Variants in MAST4 observed in about 807,000 individuals in gnomAD.
The protein encoded by MAST4 is microtubule-associated serine/threonine-protein kinase 4.
A neutral mutation model predicts 162.7 loss-of-function variants in MAST4; 89 were observed. The ratio of observed to expected loss-of-function variants is 0.55; its 90% CI spans 0.46 to 0.65. MAST4 has a LOEUF of 0.65. Ranked by LOEUF, MAST4 falls within the 30% of genes least tolerant of loss-of-function variation. MAST4 has a pLI of 0.00. For missense variants in MAST4, 3,153 were observed against 3,374.0 expected, an observed-to-expected ratio of 0.93 and a Z score of 1.62; for synonymous variants, 1,479 against 1,361.1, an observed-to-expected ratio of 1.09 and a Z score of -1.91.
At chr5:66,827,324 G>A (rs898966106) in intron 3 of MAST4, among the ~76,000 whole-genome samples, 1 of 152,166 alleles carries the variant, frequency 6.6e-6, no homozygotes, top group Non-Finnish European at 1.5e-5. Flanking sequence ...TCTTCCTTAA[G>A]TGGTATCAAA....
intron 5 of MAST4, among the ~76,000 whole-genome samples, chr5:67,058,017 A>C (rs152629): frequency 1.3e-5 from 2 of 151,736 alleles, no homozygotes; most frequent in East Asian, 3.9e-4. Context: ...AGGCAGGAGG[A>C]TTGCTTGAGC....
At chr5:66,619,040 T>C (rs940653535) in intron 1 of MAST4, among the ~76,000 whole-genome samples, 1 of 152,154 alleles carries the variant, frequency 6.6e-6, no homozygotes, top group African/African-American at 2.4e-5. Context: ...TGGAGGGTAG[T>C]AGGGACAGTG....
intron 3 of MAST4, among the ~76,000 whole-genome samples, chr5:66,894,217 G>A (rs463589): frequency 0.54 from 81,518 of 152,020 alleles, 22,244 homozygotes; most frequent in Middle Eastern, 0.6. Flanking sequence ...ACTTAAAAGT[G>A]CCAACCTCTA....
At chr5:67,000,301 T>C (rs1394168757) in intron 4 of MAST4, among the ~76,000 whole-genome samples, 1 of 152,248 alleles carries the variant, frequency 6.6e-6, no homozygotes, top group Admixed American at 6.5e-5. Flanking sequence ...CATGGCCTCA[T>C]GGCCCGAGTG....
intron 4 of MAST4, among the ~76,000 whole-genome samples, chr5:66,981,239 A>G (rs1293912584): frequency 6.6e-6 from 1 of 152,192 alleles, no homozygotes; most frequent in Non-Finnish European, 1.5e-5. Context: ...GAATATATTG[A>G]TTTGATGAAT....
At chr5:66,914,925 A>G (rs975156680) in intron 4 of MAST4, among the ~76,000 whole-genome samples, 49 of 152,140 alleles carry the variant, frequency 3.2e-4, no homozygotes, top group African/African-American at 1.2e-3. Context: ...AAATATCAGT[A>G]GTGCTGAGGA....
At chr5:66,940,588 A>T (rs148782225) in intron 4 of MAST4, among the ~76,000 whole-genome samples, 2 of 152,294 alleles carry the variant, frequency 1.3e-5, no homozygotes, top group East Asian at 3.9e-4. Flanking sequence ...AAGTTTTAAC[A>T]TCAAATTTTA....
chr5:66,813,994 G>A lies in MAST4; in HGVS notation c.642+25200G>A, dbSNP rs1442397780. ...TTGTCTGTCATCTCTGGAAAGTCAG[G>A]AGAGAGGAGTTGAACACTTTCTGCT... On this transcript the variant is annotated intron_variant, in intron 3 of 28. Transcript: ENST00000403625. 2.0e-5 allele frequency among the ~76,000 whole-genome samples: 3 copies of A among 152,322 alleles called. No homozygotes were observed. The East Asian group carries it at 5.8e-4, about 29-fold the overall frequency.
At chr5:67,099,820 T>A (rs1197995566) in intron 7 of MAST4, among the ~76,000 whole-genome samples, 1 of 152,070 alleles carries the variant, frequency 6.6e-6, no homozygotes, top group East Asian at 1.9e-4. Context: ...AGGTTTTTTT[T>A]TTTTATTTTA....
chr5:67,023,188 C>T (rs1754202145), intron 4 of MAST4, among the ~76,000 whole-genome samples: 1 of 152,176 alleles, frequency 6.6e-6, no homozygotes, highest in African/African-American at 2.4e-5. Flanking sequence ...ATCTAAGTTA[C>T]ATATTCCATT....
chr5:66,899,111 T>C (rs1407216179), intron 3 of MAST4, among the ~76,000 whole-genome samples: 1 of 152,250 alleles, frequency 6.6e-6, no homozygotes, highest in South Asian at 2.1e-4. Context: ...GCCAAACGAC[T>C]CATTGCTTCC....
chr5:66,917,190 C>G lies in MAST4; in HGVS notation c.674+17208C>G, dbSNP rs1036191209. 4 of 533,866 alleles carry G rather than the reference C, an allele frequency of 7.5e-6. No homozygotes were observed. The African/African-American group carries it at 7.5e-5, about 10-fold the overall frequency. 33.1% of individuals were successfully genotyped at this position (533,866 alleles called of 1,614,324 possible). On this transcript the variant is annotated intron_variant, in intron 4 of 28. Transcript: ENST00000403625. ...ATTACTTTAAATTGCATTTCCTTCA[C>G]TACCACTGATGTTGAGTATATTTTC...
At chr5:67,055,650 A>C (rs888106131) in intron 5 of MAST4, among the ~76,000 whole-genome samples, 4 of 152,200 alleles carry the variant, frequency 2.6e-5, no homozygotes, top group Non-Finnish European at 5.9e-5. Flanking sequence ...AAATTATGAC[A>C]CTGTAAAATG....
At chr5:66,907,721 A>C (rs567747665) in intron 4 of MAST4, among the ~76,000 whole-genome samples, 15 of 152,068 alleles carry the variant, frequency 9.9e-5, no homozygotes, top group African/African-American at 3.1e-4. Context: ...AAGTAGTTTG[A>C]GTAAAATGAG....
intron 4 of MAST4, among the ~76,000 whole-genome samples, chr5:67,018,444 G>C (rs1753580419): frequency 6.6e-6 from 1 of 152,110 alleles, no homozygotes; most frequent in African/African-American, 2.4e-5. Flanking sequence ...GAGCCCGAGA[G>C]GTCGCAGCTG....
In MAST4 at chr5:66,942,609, A is replaced by C. The variant is rs180844296; in HGVS notation, c.674+42627A>C. 1.1e-4 allele frequency among the ~76,000 whole-genome samples: 16 copies of C among 152,240 alleles called. No homozygotes were observed. The East Asian group carries it at 1.9e-3, about 18-fold the overall frequency. ...GAGAATGTGGGTGAAAGAGAGAGTG[A>C]GCATGTTGTACCCTTCCAGATCTAA... On this transcript the variant is annotated intron_variant, in intron 4 of 28. Transcript: ENST00000403625.
At chr5:66,984,046 G>A (rs1172497819) in intron 4 of MAST4, among the ~76,000 whole-genome samples, 6 of 152,148 alleles carry the variant, frequency 3.9e-5, no homozygotes, top group Admixed American at 6.5e-5. Context: ...TTAGGGATAC[G>A]GTGACAGACA....
At chr5:66,998,879 A>T (rs1176341159) in intron 4 of MAST4, among the ~76,000 whole-genome samples, 1 of 152,206 alleles carries the variant, frequency 6.6e-6, no homozygotes, top group Non-Finnish European at 1.5e-5. Flanking sequence ...AGCACAGCCC[A>T]GTAGAGGGAT....
chr5:67,073,200 G>C (rs1181942811), intron 5 of MAST4, among the ~76,000 whole-genome samples: 8 of 151,762 alleles, frequency 5.3e-5, no homozygotes, highest in African/African-American at 1.9e-4. Flanking sequence ...CACTGTGCCA[G>C]AGCAGGTCCA....
Sources: allele counts gnomAD v4.1 joint callset (sites outside exome capture counted in the v4.1 genomes callset), GRCh38; gene constraint gnomAD v4.1.1; transcripts MANE v1.5; gene names NCBI Gene and HGNC (gene_info 2026-07-23, HGNC 2026-07-21).